The following PFN2 variants were observed in gnomAD, a reference collection of about 807,000 sequenced individuals.
PFN2 encodes the protein profilin-2.
Under a neutral mutation model 15.3 loss-of-function variants are expected in PFN2, and 8 were observed. The ratio of observed to expected loss-of-function variants is 0.52; its 90% CI spans 0.31 to 0.95. The LOEUF (loss-of-function observed/expected upper bound fraction) is 0.95. Ranked by LOEUF, PFN2 falls within the 40% of genes least tolerant of loss-of-function variation. The probability of loss-of-function intolerance (pLI) is 0.05; values close to 1 mark genes in which losing one functional copy is unlikely to be tolerated. For synonymous variants in PFN2, 79 were observed against 67.9 expected, an observed-to-expected ratio of 1.16 and a Z score of -0.81; for missense variants, 111 against 182.3, an observed-to-expected ratio of 0.61 and a Z score of 2.25.
rs139208578 is a variant in PFN2 at position 149,967,751 on chromosome 3, C to A, written c.325+607G>T. ...TATAATGCTGACAACAGTCTGGAGA[C>A]ACCTGAATTTCTGGACCAAGTATAC... On this transcript the variant is annotated intron_variant, in intron 2 of 2. Transcript: ENST00000239940. Among the ~76,000 whole-genome samples, 613 of 152,276 alleles carry A rather than the reference C, an allele frequency of 4.0e-3. 5 individuals carry two copies. The highest frequency in any genetic ancestry group is 0.014 in the African/African-American group (585 of 41,534).
At chr3:149,967,942 T>C (rs111775177) in intron 2 of PFN2, among the ~76,000 whole-genome samples, 5 of 152,138 alleles carry the variant, frequency 3.3e-5, no homozygotes, top group African/African-American at 1.2e-4. Context: ...TTCTTTATGC[T>C]GAGTAGTGAA....
chr3:149,966,438 A>G lies in PFN2; in HGVS notation c.*51T>C, dbSNP rs530545783. ...AGAATTAAGACTTAAGCTTATAGCT[A>G]GGAAAGTTTAAGAGCAATTTTCCCC... On this transcript the variant is annotated 3_prime_UTR_variant, in exon 3 of 3. Coordinates refer to ENST00000239940, the MANE Select transcript of PFN2 (RefSeq NM_053024.4). The G allele has an allele frequency of 4.7e-5, 75 of 1,605,250 alleles. No individual in the cohort carries two copies. The highest frequency in any genetic ancestry group is 2.8e-4 in the South Asian group (25 of 89,172).
chr3:149,970,194 G>A (rs1040856222), intron 1 of PFN2, among the ~76,000 whole-genome samples: 3 of 152,090 alleles, frequency 2.0e-5, no homozygotes, highest in African/African-American at 4.8e-5. Context: ...AATCCCGGGG[G>A]CCGGGCCGGG....
Position 149,966,311 on chromosome 3 carries a change from G to C in PFN2, c.*178C>G, listed in dbSNP as rs776480347. 39 of 1,605,214 alleles carry C rather than the reference G, an allele frequency of 2.4e-5. No individual in the cohort carries two copies. The South Asian group carries it at 2.6e-4, about 11-fold the overall frequency. On this transcript the variant is annotated 3_prime_UTR_variant, in exon 3 of 3. Coordinates refer to ENST00000239940, the MANE Select transcript of PFN2 (RefSeq NM_053024.4). ...AACAAAAGTGAACAGAATTATTTTG[G>C]GGGGGGAGGGCAGAAAGAAAGACAC...
chr3:149,968,389 T>C lies in PFN2; in HGVS notation c.294A>G (p.Thr98=). ...CAGCTCTGCCGACAGCCACATTGTA[T>C]GTTGGCTCCCCACCTTGACTCTTTG... ...IRTKSQGGEP[T]YNVAVGRAGR... is the part of the protein sequence containing the mutation. The change falls in exon 2 of 3, where the codon ACA becomes ACG. Residue 98 remains threonine (T), a synonymous_variant. Coordinates refer to ENST00000239940, the MANE Select transcript of PFN2 (RefSeq NM_053024.4). 5 of 1,614,082 alleles carry C rather than the reference T, an allele frequency of 3.1e-6. No homozygotes were observed. Among genetic ancestry groups the C allele is most frequent in the Non-Finnish European group, 4.2e-6 (5 of 1,179,978 alleles).
At position 149,965,389 on chromosome 3, in the gene PFN2, G is replaced by A; in HGVS notation, c.*1100C>T. ...CAGCCTTTTACAATTTTACTAAAGA[G>A]TAGAGCTGGTGTGCAAAGAAAAAGG... On this transcript the variant is annotated 3_prime_UTR_variant, in exon 3 of 3. Transcript: ENST00000239940. The A allele has an allele frequency of 6.8e-7, 1 of 1,470,432 alleles. No homozygotes were observed. The highest frequency in any genetic ancestry group is 2.7e-5 in the Admixed American group (1 of 36,608). The allele number at this position is 1,470,432 out of a possible 1,614,324, so 91.1% of individuals were successfully genotyped here.
intron 2 of PFN2, 41 bp from the exon 3 acceptor site, chr3:149,966,627 A>C: frequency 6.9e-7 from 1 of 1,444,626 alleles, no homozygotes. Flanking sequence ...AGAAGTGTTA[A>C]TCAAGAAAGT....
At chr3:149,970,060 A>C (rs1010616599) in intron 1 of PFN2, among the ~76,000 whole-genome samples, 44 of 152,240 alleles carry the variant, frequency 2.9e-4, no homozygotes, top group African/African-American at 9.1e-4. Flanking sequence ...AAAAAAAAAA[A>C]AAAAACAACC....
chr3:149,970,493 G>A (rs999838503), intron 1 of PFN2: 1 of 326,898 alleles, frequency 3.1e-6, no homozygotes, highest in Non-Finnish European at 5.4e-6. Flanking sequence ...GCCCGGCCAG[G>A]GCCAGCAAGG....
Position 149,965,041 on chromosome 3 carries a change from A to G in PFN2, c.*1448T>C, listed in dbSNP as rs1722643977. The G allele has an allele frequency of 7.5e-6, 4 of 536,680 alleles. No individual in the cohort carries two copies. In the Admixed American group the frequency reaches 1.1e-4, roughly 15 times the overall value. The allele number at this position is 536,680 out of a possible 1,614,324, so 33.2% of individuals were successfully genotyped here. A position where few individuals can be genotyped will look rare whatever the true frequency, so the allele number is the denominator to read the frequency against. On this transcript the variant is annotated 3_prime_UTR_variant, in exon 3 of 3. Transcript: ENST00000239940. ...AAAGTGCAGGGAAAGAAATGGACAA[A>G]TCAGCAACAAGATTTGTTTTTAAAT...
intron 2 of PFN2, chr3:149,968,059 AC>A (rs1722740634): frequency 3.6e-6 from 1 of 277,384 alleles, no homozygotes; most frequent in African/African-American, 2.2e-5. Flanking sequence ...ACAATCTGAA[AC>A]ACCACAGGAT....
Position 149,965,486 on chromosome 3 carries a change from TGGGA to T in PFN2, c.*999_*1002del. On this transcript the variant is annotated 3_prime_UTR_variant, in exon 3 of 3. Transcript: ENST00000239940. ...AATCAGTATGGTTACTGTAAGGTCA[TGGGA>T]GGAAGTGCTTTTTGCTCTTGTTTTG... 7.1e-7 allele frequency: 1 copy of T among 1,415,900 alleles called. No homozygotes were observed. 87.7% of individuals were successfully genotyped at this position (1,415,900 alleles called of 1,614,324 possible).
At chr3:149,969,093 C>A in intron 1 of PFN2, among the ~76,000 whole-genome samples, 1 of 152,194 alleles carries the variant, frequency 6.6e-6, no homozygotes, top group Non-Finnish European at 1.5e-5. Context: ...TGGACTTCAA[C>A]CCCTGGACAT....
intron 1 of PFN2, 33 bp downstream of exon 1, chr3:149,970,692 G>A (rs1238550812): frequency 3.4e-6 from 5 of 1,482,976 alleles, no homozygotes; most frequent in Non-Finnish European, 4.5e-6. Context: ...CTCCGGTGCA[G>A]GGACCAGGGT....
At position 149,968,275 on chromosome 3, in the gene PFN2, A is replaced by C. The variant is rs1722746477; in HGVS notation, c.325+83T>G. The stretch of plus-strand genomic sequence containing the variant: ...CCACCTTAATAGCCATTATGGACTA[A>C]CTTTTATTCAAAATGTTAAAAGAAA... On this transcript the variant is annotated intron_variant, in intron 2 of 2. Coordinates refer to ENST00000239940, the MANE Select transcript of PFN2 (RefSeq NM_053024.4). 35 of 1,291,182 alleles carry C rather than the reference A, an allele frequency of 2.7e-5. No homozygotes were observed. In the South Asian group the frequency reaches 4.4e-4, roughly 16 times the overall value. 80.0% of individuals were successfully genotyped at this position (1,291,182 alleles called of 1,614,324 possible). A position where few individuals can be genotyped will look rare whatever the true frequency, so the allele number is the denominator to read the frequency against.
At chr3:149,969,678 T>C (rs752848803) in intron 1 of PFN2, among the ~76,000 whole-genome samples, 5 of 152,136 alleles carry the variant, frequency 3.3e-5, no homozygotes, top group Admixed American at 1.3e-4. Flanking sequence ...TGCTAAGAAA[T>C]AAAGAGAATG....
intron 1 of PFN2, among the ~76,000 whole-genome samples, chr3:149,970,065 A>C (rs1277426189): frequency 1.3e-5 from 2 of 151,888 alleles, no homozygotes; most frequent in East Asian, 1.9e-4. Flanking sequence ...AAAAAAAAAA[A>C]CAACCTATAG....
At position 149,970,892 on chromosome 3, in the gene PFN2, G is replaced by A. The variant is rs761910374; in HGVS notation, c.-36C>T. 3.9e-6 allele frequency: 5 copies of A among 1,285,596 alleles called. No individual in the cohort carries two copies. The highest frequency in any genetic ancestry group is 6.7e-5 in the Admixed American group (2 of 29,998). 79.6% of individuals were successfully genotyped at this position (1,285,596 alleles called of 1,614,324 possible). On this transcript the variant is annotated 5_prime_UTR_variant, in exon 1 of 3. Coordinates refer to ENST00000239940, the MANE Select transcript of PFN2 (RefSeq NM_053024.4). ...TTCGCACTGCAGCGCGGACGGCGAG[G>A]AGCAGCAGGCGCAGCGGCGGCGGCG...
chr3:149,966,636 G>T, intron 2 of PFN2, 50 bp from the exon 3 acceptor site: 1 of 1,380,094 alleles, frequency 7.2e-7, no homozygotes, highest in Non-Finnish European at 1.0e-6. Context: ...AATCAAGAAA[G>T]TCACATAAGT....
Sources: gnomAD v4.1 joint callset for allele counts (sites outside exome capture counted in the v4.1 genomes callset) on GRCh38, gnomAD v4.1.1 for gene constraint, MANE v1.5 for transcripts, NCBI Gene and HGNC (gene_info 2026-07-23, HGNC 2026-07-21) for gene names.